KLHL29: variants seen among roughly 807,000 people sequenced by gnomAD.
KLHL29 encodes the protein kelch like family member 29, also known as kelch-like protein 29.
Under a neutral mutation model 80.4 loss-of-function variants are expected in KLHL29, and 21 were observed. The observed-to-expected ratio is 0.26, with a 90% CI of 0.19 to 0.38. KLHL29 has a LOEUF of 0.38. KLHL29 is among the 10% of genes least tolerant of loss of function. The probability of loss-of-function intolerance (pLI) is 1.00; values close to 1 mark genes in which losing one functional copy is unlikely to be tolerated. For synonymous variants in KLHL29, 511 were observed against 526.8 expected, an observed-to-expected ratio of 0.97 and a Z score of 0.41; for missense variants, 867 against 1,223.9, an observed-to-expected ratio of 0.71 and a Z score of 4.35.
intron 3 of KLHL29, among the ~76,000 whole-genome samples, chr2:23,605,737 G>A (rs1027683827): frequency 6.6e-6 from 1 of 151,280 alleles, no homozygotes. Flanking sequence ...CTTAGCACAC[G>A]TGAAATCCTC....
At chr2:23,595,593 G>T (rs537156268) in intron 3 of KLHL29, among the ~76,000 whole-genome samples, 24 of 152,338 alleles carry the variant, frequency 1.6e-4, no homozygotes, top group African/African-American at 5.3e-4. Flanking sequence ...GGGCAGGAAG[G>T]GTGGCAGGCA....
Position 23,706,737 on chromosome 2 carries a change from A to G in KLHL29, c.*73A>G. ...AAGTGCCACGCAATGATAATTTTCC[A>G]GCGACACCAACAAGAGGCCAACAAA... On this transcript the variant is annotated 3_prime_UTR_variant, in exon 14 of 14. Coordinates refer to ENST00000486442, the MANE Select transcript of KLHL29 (RefSeq NM_052920.2). The G allele has an allele frequency of 8.7e-7, 1 of 1,144,350 alleles. No individual in the cohort carries two copies. Among genetic ancestry groups the G allele is most frequent in the South Asian group, 1.9e-5 (1 of 53,974 alleles). The allele number at this position is 1,144,350 out of a possible 1,614,324, so 70.9% of individuals were successfully genotyped here. A position where few individuals can be genotyped will look rare whatever the true frequency, so the allele number is the denominator to read the frequency against.
chr2:23,385,384 C>G lies in KLHL29; in HGVS notation c.-550C>G, dbSNP rs1204307449. The G allele has an allele frequency of 1.3e-5, 2 of 148,170 alleles. No homozygotes were observed. Among genetic ancestry groups the G allele is most frequent in the East Asian group, 2.0e-4 (1 of 4,974 alleles). 9.2% of individuals were successfully genotyped at this position (148,170 alleles called of 1,614,324 possible). On this transcript the variant is annotated 5_prime_UTR_variant, in exon 1 of 14. Coordinates refer to ENST00000486442, the MANE Select transcript of KLHL29 (RefSeq NM_052920.2). ...CCGCCCGGAGCCCGAGCCGCGAGCC[C>G]GGAGCCAGCCCCAGCCCCGCGGCCG...
At chr2:23,636,107 C>T (rs1037355711) in intron 3 of KLHL29, among the ~76,000 whole-genome samples, 21 of 152,142 alleles carry the variant, frequency 1.4e-4, no homozygotes, top group Admixed American at 5.9e-4. Flanking sequence ...TTCCAGAACC[C>T]GGGGACCACA....
At chr2:23,464,097 G>A (rs565720888) in intron 1 of KLHL29, among the ~76,000 whole-genome samples, 4 of 152,212 alleles carry the variant, frequency 2.6e-5, no homozygotes, top group Admixed American at 6.5e-5. Flanking sequence ...GGGAAATAAT[G>A]CAATTTCCAT....
intron 3 of KLHL29, among the ~76,000 whole-genome samples, chr2:23,611,632 C>A (rs1197461368): frequency 6.6e-6 from 1 of 152,074 alleles, no homozygotes; most frequent in Non-Finnish European, 1.5e-5. Context: ...TAATCAGATA[C>A]AAGGAGACCA....
At chr2:23,493,709 CTG>C (rs1665175106) in intron 2 of KLHL29, among the ~76,000 whole-genome samples, 1 of 151,872 alleles carries the variant, frequency 6.6e-6, no homozygotes, top group African/African-American at 2.4e-5. Context: ...GCGTGTGTGT[CTG>C]TGTCTGTGTG....
rs1198625641 is a variant in KLHL29 at position 23,680,984 on chromosome 2, C to G, written c.941-3415C>G. 3.3e-5 allele frequency among the ~76,000 whole-genome samples: 5 copies of G among 152,220 alleles called. No homozygotes were observed. The highest frequency in any genetic ancestry group is 1.2e-4 in the African/African-American group (5 of 41,458). On this transcript the variant is annotated intron_variant, in intron 5 of 13. Coordinates refer to ENST00000486442, the MANE Select transcript of KLHL29 (RefSeq NM_052920.2). This position sits in a 1 kb window ranked among gnomAD's most constrained non-coding sequence, Gnocchi z 4.1. ...CTCCCCAGACCCCGCAGCAATCCCA[C>G]ACACCTCACTTGGAAGCTTCTCAGA...
At chr2:23,512,578 G>A (rs1455123018) in intron 2 of KLHL29, among the ~76,000 whole-genome samples, 1 of 152,194 alleles carries the variant, frequency 6.6e-6, no homozygotes, top group African/African-American at 2.4e-5. Context: ...GATCAATATG[G>A]CTTTTTCCAC....
In KLHL29 at chr2:23,703,720, C is replaced by A; in HGVS notation, c.2301C>A (p.Asp767Glu). ...CTGCCTGCTCTGCTCTCCTCACAGA[C>A]AACAAGTATGCCCCCGCTGTCACGC... ...TWSFIESPMIDNKYAPAVTLN... is the reference protein window; with the variant it reads ...TWSFIESPMIENKYAPAVTLN... Residue 767 changes from aspartate (D) to glutamate (E), a missense_variant and splice_region_variant, in exon 13 of 14, where the codon GAC (aspartate) becomes GAA (glutamate). Transcript: ENST00000486442. The A allele has an allele frequency of 6.5e-7, 1 of 1,535,520 alleles. No homozygotes were observed.
intron 1 of KLHL29, among the ~76,000 whole-genome samples, chr2:23,449,166 T>G (rs1420170263): frequency 6.6e-6 from 1 of 152,166 alleles, no homozygotes; most frequent in Non-Finnish European, 1.5e-5. Flanking sequence ...CTGGACTCCA[T>G]GACAAACATG....
intron 2 of KLHL29, among the ~76,000 whole-genome samples, chr2:23,494,403 G>A (rs1388741941): frequency 2.0e-5 from 3 of 152,208 alleles, no homozygotes; most frequent in Non-Finnish European, 2.9e-5. Flanking sequence ...TCCACCAGCA[G>A]CTCCTCCACG....
intron 5 of KLHL29, among the ~76,000 whole-genome samples, chr2:23,663,896 A>G (rs540549098): frequency 1.3e-5 from 2 of 152,246 alleles, no homozygotes; most frequent in African/African-American, 2.4e-5. Flanking sequence ...CATTTTTACT[A>G]TGATCTATTG....
At chr2:23,687,611 A>T (rs955141846) in intron 6 of KLHL29, among the ~76,000 whole-genome samples, 3 of 152,342 alleles carry the variant, frequency 2.0e-5, no homozygotes, top group African/African-American at 7.2e-5. Context: ...AGCAGAGACG[A>T]TGCTTCAGAG....
At chr2:23,561,504 C>T (rs1372850792) in intron 2 of KLHL29, among the ~76,000 whole-genome samples, 2 of 152,160 alleles carry the variant, frequency 1.3e-5, no homozygotes, top group Non-Finnish European at 2.9e-5. Flanking sequence ...AACTCAACTC[C>T]TGGAGGCTAA....
intron 3 of KLHL29, among the ~76,000 whole-genome samples, chr2:23,595,601 G>T (rs1474531466): frequency 1.3e-5 from 2 of 152,224 alleles, no homozygotes; most frequent in Non-Finnish European, 2.9e-5. Context: ...AGGGTGGCAG[G>T]CAGCGGGCAC....
At chr2:23,406,118 C>T (rs972716849) in intron 1 of KLHL29, among the ~76,000 whole-genome samples, 3 of 152,092 alleles carry the variant, frequency 2.0e-5, no homozygotes, top group African/African-American at 7.2e-5. Flanking sequence ...CATTTGAGGT[C>T]AGAAGTTCGA....
At chr2:23,564,161 G>A (rs1667528230) in intron 3 of KLHL29, among the ~76,000 whole-genome samples, 1 of 152,264 alleles carries the variant, frequency 6.6e-6, no homozygotes, top group Admixed American at 6.5e-5. Context: ...GCCTTTGTAG[G>A]GATGGTGTTG....
At chr2:23,616,274 C>A (rs1669002200) in intron 3 of KLHL29, among the ~76,000 whole-genome samples, 1 of 152,196 alleles carries the variant, frequency 6.6e-6, no homozygotes. Flanking sequence ...GGGGTTCATT[C>A]TTCTCTTTAA....
Sources: gnomAD v4.1 joint callset for allele counts (sites outside exome capture counted in the v4.1 genomes callset) on GRCh38, gnomAD v4.1.1 for gene constraint, Gnocchi (gnomAD v3.1) non-coding constraint, MANE v1.5 for transcripts, NCBI Gene and HGNC (gene_info 2026-07-23, HGNC 2026-07-21) for gene names.